CFAP57: variants seen among roughly 807,000 people sequenced by gnomAD.
The protein encoded by CFAP57 is cilia and flagella associated protein 57.
CFAP57 carries 116 observed loss-of-function variants against 146.8 expected under a neutral mutation model. That is an observed-to-expected ratio of 0.79 (90% confidence interval 0.68 to 0.92). The LOEUF is 0.92. Ranked by LOEUF, CFAP57 falls within the 40% of genes least tolerant of loss-of-function variation. The pLI is 0.00. For synonymous variants in CFAP57, 518 were observed against 552.8 expected (o/e 0.94, Z 0.88); for missense variants, 1,377 against 1,527.2 (o/e 0.90, Z 1.64).
chr1:43,206,534 C>T, intron 9 of CFAP57, 186 bp from the exon 10 acceptor site: 1 of 602,354 alleles, frequency 1.7e-6, no homozygotes, highest in Non-Finnish European at 3.0e-6. Flanking sequence ...CAGTAATTTG[C>T]AAGCGTCATA....
At position 43,210,448 on chromosome 1, in the gene CFAP57, T is replaced by G. The variant is rs753437333; in HGVS notation, c.1929+532T>G. The G allele has an allele frequency of 2.3e-4, 253 of 1,112,104 alleles. 3 individuals are homozygous for G. Among genetic ancestry groups the G allele is most frequent in the Non-Finnish European group, 7.0e-5 (63 of 901,956 alleles). The allele number at this position is 1,112,104 out of a possible 1,614,324, so 68.9% of individuals were successfully genotyped here. ...AAGCATCCATCGACAGACGAATGCA[T>G]AAGCAAAAGATGGTATATCTATACA... is the stretch of plus-strand genomic sequence containing the variant. On this transcript the variant is annotated intron_variant, in intron 11 of 22. Transcript: ENST00000372492.
intron 22 of CFAP57, among the ~76,000 whole-genome samples, chr1:43,245,743 A>C (rs1231871315): frequency 6.6e-6 from 1 of 152,252 alleles, no homozygotes; most frequent in East Asian, 1.9e-4. Context: ...GGCTAAAAAC[A>C]GACCCACATC....
At chr1:43,191,414 C>T (rs909787420) in intron 6 of CFAP57, among the ~76,000 whole-genome samples, 7 of 151,908 alleles carry the variant, frequency 4.6e-5, no homozygotes, top group East Asian at 1.9e-4. Flanking sequence ...AGTGAAACCC[C>T]GTCTCTACTA....
chr1:43,205,320 C>A (rs948107405), intron 9 of CFAP57, among the ~76,000 whole-genome samples: 1 of 152,198 alleles, frequency 6.6e-6, no homozygotes, highest in Non-Finnish European at 1.5e-5. Flanking sequence ...CAAATAAAGT[C>A]AGCCCCCTCA....
chr1:43,222,232 C>T lies in CFAP57; in HGVS notation c.2469C>T (p.Ala823=), dbSNP rs1645073564. Residue 823 remains alanine (A), a synonymous_variant, in exon 15 of 23, where the codon GCC becomes GCT. Coordinates refer to ENST00000372492, the MANE Select transcript of CFAP57 (RefSeq NM_001378189.1). ...LRDNDETKSQ[A]LEELTEFYEA... ...ATAACGATGAGACCAAGAGCCAGGC[C>T]CTGGAGGAGCTGACTGAGTTTTACG... is the stretch of plus-strand genomic sequence containing the variant. 4.7e-6 allele frequency: 7 copies of T among 1,499,068 alleles called. No homozygotes were observed. The highest frequency in any genetic ancestry group is 5.3e-6 in the Non-Finnish European group (6 of 1,122,354). 92.9% of individuals were successfully genotyped at this position (1,499,068 alleles called of 1,614,324 possible). A position where few individuals can be genotyped will look rare whatever the true frequency, so the allele number is the denominator to read the frequency against.
chr1:43,189,292 T>A (rs905336925), intron 6 of CFAP57, among the ~76,000 whole-genome samples: 11 of 152,214 alleles, frequency 7.2e-5, no homozygotes, highest in African/African-American at 2.4e-4. Context: ...CCATCTGGGA[T>A]CCTCACCGGG....
At position 43,201,778 on chromosome 1, in the gene CFAP57, G is replaced by A. The variant is rs573040480; in HGVS notation, c.1542+2275G>A. Among the ~76,000 whole-genome samples the A allele has an allele frequency of 6.6e-6, 1 of 152,282 alleles. No individual in the cohort carries two copies. Among genetic ancestry groups the A allele is most frequent in the East Asian group, 1.9e-4 (1 of 5,188 alleles). Reference sequence around the variant, plus strand: ...TTACAGGCATGTACCACCACACCCGGGTAATTTTGTATTTTTAATAGAGAC... The same window carrying A: ...TTACAGGCATGTACCACCACACCCGAGTAATTTTGTATTTTTAATAGAGAC... On this transcript the variant is annotated intron_variant, in intron 9 of 22. Coordinates refer to ENST00000372492, the MANE Select transcript of CFAP57 (RefSeq NM_001378189.1). This position sits in a 1 kb window ranked among gnomAD's most constrained non-coding sequence, Gnocchi z 4.4.
intron 21 of CFAP57, among the ~76,000 whole-genome samples, chr1:43,236,401 G>A (rs775688815): frequency 4.2e-4 from 64 of 151,700 alleles, no homozygotes; most frequent in Non-Finnish European, 2.7e-4. Context: ...CCACTGTGCC[G>A]ACCCTGGTTT....
chr1:43,206,425 G>GA, intron 9 of CFAP57: 1 of 341,630 alleles, frequency 2.9e-6, no homozygotes, highest in East Asian at 4.8e-5. Flanking sequence ...AAAATGTTTT[G>GA]AAAAAACAGC....
chr1:43,175,422 G>A (rs1645133988), intron 2 of CFAP57, among the ~76,000 whole-genome samples: 1 of 151,832 alleles, frequency 6.6e-6, no homozygotes, highest in Non-Finnish European at 1.5e-5. Flanking sequence ...CTGGATCTAA[G>A]GACAGGTATC....
intron 10 of CFAP57, among the ~76,000 whole-genome samples, chr1:43,207,518 G>A (rs567592557): frequency 2.0e-5 from 3 of 152,250 alleles, no homozygotes; most frequent in Non-Finnish European, 2.9e-5. Flanking sequence ...GTAGGCTGTC[G>A]CAGCTAGGTT....
At chr1:43,204,318 T>C (rs1301968010) in intron 9 of CFAP57, among the ~76,000 whole-genome samples, 5 of 152,356 alleles carry the variant, frequency 3.3e-5, no homozygotes, top group Non-Finnish European at 5.9e-5. Flanking sequence ...GTCCGCAAAA[T>C]CTACCATCTG....
At chr1:43,191,526 G>T (rs1393600605) in intron 6 of CFAP57, among the ~76,000 whole-genome samples, 1 of 148,832 alleles carries the variant, frequency 6.7e-6, no homozygotes, top group Admixed American at 6.7e-5. Flanking sequence ...AGCAGGGCTT[G>T]CAGTGAGCCA....
rs1406492709 is a variant in CFAP57 at position 43,221,320 on chromosome 1, A to G, written c.2248-52A>G. On this transcript the variant is annotated intron_variant, in intron 13 of 22. Coordinates refer to ENST00000372492, the MANE Select transcript of CFAP57 (RefSeq NM_001378189.1). The stretch of plus-strand genomic sequence containing the variant: ...TACTTGTAAAATCAGTTCTTGCCCT[A>G]GTAGTGCTTTCAGCAGATGTGTGTA... 6.7e-6 allele frequency: 9 copies of G among 1,351,438 alleles called. No homozygotes were observed. The Admixed American group carries it at 2.2e-4, about 32-fold the overall frequency. 83.7% of individuals were successfully genotyped at this position (1,351,438 alleles called of 1,614,324 possible). A position where few individuals can be genotyped will look rare whatever the true frequency, so the allele number is the denominator to read the frequency against.
In CFAP57 at chr1:43,226,534, C is replaced by G. The variant is rs540578011; in HGVS notation, c.2866-449C>G. The stretch of plus-strand genomic sequence containing the variant: ...TCCCAAGAGAGCCAGATAAAAGCTG[C>G]TTGGCCTTTTTTGGCCTAGCCTTGG... On this transcript the variant is annotated intron_variant, in intron 17 of 22. Coordinates refer to ENST00000372492, the MANE Select transcript of CFAP57 (RefSeq NM_001378189.1). Among the ~76,000 whole-genome samples the G allele has an allele frequency of 8.5e-5, 13 of 152,364 alleles. No homozygotes were observed. In the East Asian group the frequency reaches 2.1e-3, roughly 25 times the overall value.
chr1:43,172,563 G>GGGGGAGGGGCAA, intron 1 of CFAP57, 110 bp downstream of exon 1: 2 of 769,794 alleles, frequency 2.6e-6, no homozygotes, highest in Non-Finnish European at 4.0e-6. Context: ...GGAGGACCCC[G>GGGGGAGGGGCAA]GGGGAGGGGA....
rs185876128 is a variant in CFAP57 at position 43,211,090 on chromosome 1, C to T, written c.1929+1174C>T. ...AGTTATATCCCAAACTCCTTAGTGG[C>T]TTACCTGCAACACTAGCTGTATTAA... On this transcript the variant is annotated intron_variant, in intron 11 of 22. Coordinates refer to ENST00000372492, the MANE Select transcript of CFAP57 (RefSeq NM_001378189.1). 3.1e-3 allele frequency among the ~76,000 whole-genome samples: 475 copies of T among 152,178 alleles called. 1 individual carries two copies. The highest frequency in any genetic ancestry group is 9.8e-3 in the African/African-American group (405 of 41,506).
chr1:43,192,787 C>T (rs1046727254), intron 6 of CFAP57, among the ~76,000 whole-genome samples: 2 of 151,336 alleles, frequency 1.3e-5, no homozygotes, highest in Middle Eastern at 3.4e-3. Context: ...ATTAGCTGGG[C>T]GTGGTGGCAC....
intron 21 of CFAP57, among the ~76,000 whole-genome samples, chr1:43,240,668 G>A (rs1645878000): frequency 6.6e-6 from 1 of 152,174 alleles, no homozygotes; most frequent in African/African-American, 2.4e-5. Flanking sequence ...TTACTATAAA[G>A]GAATACCTGA....
Sources: allele counts gnomAD v4.1 joint callset (sites outside exome capture counted in the v4.1 genomes callset), GRCh38; gene constraint gnomAD v4.1.1; non-coding constraint Gnocchi (gnomAD v3.1); transcripts MANE v1.5; gene names NCBI Gene and HGNC (gene_info 2026-07-23, HGNC 2026-07-21).